MAD1L1: variants seen among roughly 807,000 people sequenced by gnomAD.
The protein encoded by MAD1L1 is mitotic arrest deficient 1 like 1, also known as mitotic spindle assembly checkpoint protein MAD1.
MAD1L1 carries 95 observed loss-of-function variants against 96.9 expected under a neutral mutation model. That is an observed-to-expected ratio of 0.98 (90% CI 0.83 to 1.16). The LOEUF (loss-of-function observed/expected upper bound fraction) is 1.16. Among genes scored for constraint, MAD1L1 ranks in the 50% most tolerant of loss-of-function variants. MAD1L1 has a pLI of 0.00. For synonymous variants in MAD1L1, 473 were observed against 396.6 expected (o/e 1.19, Z -2.29); for missense variants, 1,007 against 954.4 (o/e 1.06, Z -0.73).
At chr7:2,192,279 T>C (rs553231127) in intron 10 of MAD1L1, among the ~76,000 whole-genome samples, 21 of 152,032 alleles carry the variant, frequency 1.4e-4, no homozygotes, top group Non-Finnish European at 2.5e-4. Flanking sequence ...TACAGGCACA[T>C]GCCACCACGC....
chr7:2,030,157 C>G (rs1485656889), intron 12 of MAD1L1, among the ~76,000 whole-genome samples: 1 of 152,182 alleles, frequency 6.6e-6, no homozygotes, highest in Admixed American at 6.5e-5. Context: ...CCCAGAAACG[C>G]GGAACCCAGA....
chr7:2,014,925 C>G (rs372254515), intron 12 of MAD1L1, among the ~76,000 whole-genome samples: 2 of 152,232 alleles, frequency 1.3e-5, no homozygotes, highest in African/African-American at 4.8e-5. Context: ...CACCTCGTAC[C>G]GGCAGTATGG....
intron 17 of MAD1L1, among the ~76,000 whole-genome samples, chr7:1,932,506 G>A (rs997190955): frequency 2.6e-5 from 4 of 152,250 alleles, no homozygotes; most frequent in African/African-American, 4.8e-5. Context: ...GGGCTGGGGG[G>A]CTATGAGATC....
intron 10 of MAD1L1, among the ~76,000 whole-genome samples, chr7:2,155,684 A>G (rs1329467420): frequency 2.0e-5 from 3 of 152,230 alleles, no homozygotes; most frequent in South Asian, 4.1e-4. Context: ...GTGGCTACAC[A>G]ACGTTTATCC....
At chr7:2,210,918 T>C (rs187487706) in intron 10 of MAD1L1, among the ~76,000 whole-genome samples, 42 of 152,298 alleles carry the variant, frequency 2.8e-4, no homozygotes, top group Admixed American at 8.5e-4. Context: ...AAGTACACGA[T>C]CACGTCGGAT....
chr7:1,937,433 G>A (rs569885572), intron 16 of MAD1L1, among the ~76,000 whole-genome samples: 6 of 152,308 alleles, frequency 3.9e-5, no homozygotes, highest in South Asian at 4.1e-4. Flanking sequence ...ATGTTCCCAC[G>A]AAACCCAGGG....
At chr7:1,947,368 G>A (rs1353006524) in intron 16 of MAD1L1, among the ~76,000 whole-genome samples, 4 of 152,254 alleles carry the variant, frequency 2.6e-5, no homozygotes, top group Admixed American at 6.5e-5. Flanking sequence ...GCAGCGACAA[G>A]AGGGGAATGG....
chr7:2,152,763 T>A (rs1379910898), intron 10 of MAD1L1, among the ~76,000 whole-genome samples: 1 of 152,076 alleles, frequency 6.6e-6, no homozygotes, highest in Admixed American at 6.5e-5. Flanking sequence ...TACCTGACAA[T>A]CCCTATGCCG....
intron 1 of MAD1L1, among the ~76,000 whole-genome samples, chr7:2,232,571 C>T (rs955667562): frequency 1.3e-5 from 2 of 152,208 alleles, no homozygotes; most frequent in African/African-American, 4.8e-5. Flanking sequence ...GAGCACGCGC[C>T]CCTCGGCCGC....
chr7:1,867,858 A>G (rs984967875), intron 18 of MAD1L1, among the ~76,000 whole-genome samples: 5 of 152,240 alleles, frequency 3.3e-5, no homozygotes, highest in African/African-American at 7.2e-5. Context: ...CTTATTAAAA[A>G]TAAATGGCGA....
At chr7:1,924,712 T>C (rs1240511361) in intron 17 of MAD1L1, among the ~76,000 whole-genome samples, 1 of 152,116 alleles carries the variant, frequency 6.6e-6, no homozygotes, top group African/African-American at 2.4e-5. Flanking sequence ...TTTTTGCCTC[T>C]TATGTTTTAT....
chr7:2,071,423 C>T lies in MAD1L1; in HGVS notation c.1074-2085G>A, dbSNP rs143935349. ...CAGGACGCGGGCGTCTCATTTCAGC[C>T]GCGTGTGATCTTGTGAAATATGTAA... On this transcript the variant is annotated intron_variant, in intron 11 of 18. Coordinates refer to ENST00000265854, the MANE Select transcript of MAD1L1 (RefSeq NM_001013836.2). Among the ~76,000 whole-genome samples the T allele has an allele frequency of 5.7e-4, 87 of 152,342 alleles. 1 individual carries two copies. The highest frequency in any genetic ancestry group is 1.6e-3 in the African/African-American group (67 of 41,576).
intron 18 of MAD1L1, among the ~76,000 whole-genome samples, chr7:1,842,457 C>T (rs1045697136): frequency 2.0e-5 from 3 of 152,268 alleles, no homozygotes; most frequent in Non-Finnish European, 4.4e-5. Flanking sequence ...CTCTTGGCAG[C>T]TGGAAAGGTT....
At chr7:2,102,602 CGGTG>C (rs1562689188) in intron 11 of MAD1L1, among the ~76,000 whole-genome samples, 1 of 152,110 alleles carries the variant, frequency 6.6e-6, no homozygotes, top group East Asian at 1.9e-4. Flanking sequence ...CTGTCACCAT[CGGTG>C]ACACCACGGT....
At chr7:1,921,982 G>T (rs903588242) in intron 17 of MAD1L1, among the ~76,000 whole-genome samples, 1 of 152,208 alleles carries the variant, frequency 6.6e-6, no homozygotes, top group Non-Finnish European at 1.5e-5. Context: ...TAAAAGCAAC[G>T]GAATTAACAG....
At chr7:1,947,488 G>A (rs928025758) in intron 16 of MAD1L1, among the ~76,000 whole-genome samples, 1 of 152,270 alleles carries the variant, frequency 6.6e-6, no homozygotes, top group Non-Finnish European at 1.5e-5. Context: ...GGAGGAGAGC[G>A]AGGCAGCTCG....
intron 11 of MAD1L1, among the ~76,000 whole-genome samples, chr7:2,139,872 T>C (rs771560341): frequency 2.0e-5 from 3 of 152,128 alleles, no homozygotes; most frequent in Non-Finnish European, 2.9e-5. Context: ...CTAAAAATAT[T>C]AAAAAGTAAC....
At chr7:2,126,485 C>T (rs927371942) in intron 11 of MAD1L1, among the ~76,000 whole-genome samples, 1 of 152,300 alleles carries the variant, frequency 6.6e-6, no homozygotes, top group African/African-American at 2.4e-5. Flanking sequence ...TATCTTCCCC[C>T]CTCAGGCCTG....
rs556798802 is a variant in MAD1L1, at chr7:2,103,570, A to C, written c.1074-34232T>G. Reference sequence around the variant, plus strand: ...CCGCAGATGGGCCAGCACTGGGGCAAAGCCCACCACCAGGCAGCCCTGGGA... The same window carrying C: ...CCGCAGATGGGCCAGCACTGGGGCACAGCCCACCACCAGGCAGCCCTGGGA... On this transcript the variant is annotated intron_variant, in intron 11 of 18. Coordinates refer to ENST00000265854, the MANE Select transcript of MAD1L1 (RefSeq NM_001013836.2). This position sits in a 1 kb window ranked among gnomAD's most constrained non-coding sequence, Gnocchi z 4.3. 6.6e-6 allele frequency among the ~76,000 whole-genome samples: 1 copy of C among 152,210 alleles called. No individual in the cohort carries two copies. The highest frequency in any genetic ancestry group is 1.9e-4 in the East Asian group (1 of 5,158).
Sources: allele counts gnomAD v4.1 joint callset (sites outside exome capture counted in the v4.1 genomes callset), GRCh38; gene constraint gnomAD v4.1.1; non-coding constraint Gnocchi (gnomAD v3.1); transcripts MANE v1.5; gene names NCBI Gene and HGNC (gene_info 2026-07-23, HGNC 2026-07-21).